The following SLC38A2 variants were observed in gnomAD, a reference collection of about 807,000 sequenced individuals.
The protein encoded by SLC38A2 is sodium-coupled neutral amino acid symporter 2.
Under a neutral mutation model 61.5 loss-of-function variants are expected in SLC38A2, and 11 were observed. The observed-to-expected ratio is 0.18, with a 90% confidence interval of 0.11 to 0.30. The LOEUF is 0.30. SLC38A2 is among the 10% of genes least tolerant of loss of function. The pLI, the probability that SLC38A2 is intolerant of heterozygous loss-of-function variation, is 1.00. For synonymous variants in SLC38A2, 217 were observed against 212.5 expected, an observed-to-expected ratio of 1.02 and a Z score of -0.18; for missense variants, 522 against 600.4, an observed-to-expected ratio of 0.87 and a Z score of 1.36.
At chr12:46,365,662 T>C (rs1014474646) in intron 7 of SLC38A2, among the ~76,000 whole-genome samples, 1 of 152,088 alleles carries the variant, frequency 6.6e-6, no homozygotes, top group Admixed American at 6.5e-5. Context: ...AATATTTCAA[T>C]GAGGAAACGT....
intron 8 of SLC38A2, 161 bp from the exon 9 acceptor site, chr12:46,364,863 T>C: frequency 1.3e-5 from 9 of 688,868 alleles, no homozygotes; most frequent in Non-Finnish European, 2.2e-5. Context: ...AAATTATAGA[T>C]TTATTTAAAT....
In SLC38A2 at chr12:46,360,991, A is replaced by T. The variant is rs975933206; in HGVS notation, c.*120T>A. 2 of 726,982 alleles carry T rather than the reference A, an allele frequency of 2.8e-6. No homozygotes were observed. Among genetic ancestry groups the T allele is most frequent in the Non-Finnish European group, 4.6e-6 (2 of 437,532 alleles). The allele number at this position is 726,982 out of a possible 1,614,324, so 45.0% of individuals were successfully genotyped here. A position where few individuals can be genotyped will look rare whatever the true frequency, so the allele number is the denominator to read the frequency against. On this transcript the variant is annotated 3_prime_UTR_variant, in exon 16 of 16. Coordinates refer to ENST00000256689, the MANE Select transcript of SLC38A2 (RefSeq NM_018976.5). ...CACTTATTCTGCACTCAGAAGAACC[A>T]GCGAGGAATCTGCACTTCAAAAGGA... is the stretch of plus-strand genomic sequence containing the variant.
chr12:46,362,585 C>A lies in SLC38A2; in HGVS notation c.1233G>T (p.Trp411Cys), dbSNP rs779347880. 1 of 1,592,854 alleles carries A rather than the reference C, an allele frequency of 6.3e-7. No individual in the cohort carries two copies. The highest frequency in any genetic ancestry group is 1.2e-5 in the South Asian group (1 of 85,610). Reference sequence around the variant, plus strand: ...TAGACACTGTAATGAGACTATGACGCCACCAACTGAAATCTTTTGATGCAC... The same window carrying A: ...TAGACACTGTAATGAGACTATGACGACACCAACTGAAATCTTTTGATGCAC... ...LLCASKDFSWWRHSLITVSIL... is the reference protein window; with the variant it reads ...LLCASKDFSWCRHSLITVSIL... The change falls in exon 14 of 16, where the codon TGG (tryptophan) becomes TGT (cysteine). Residue 411 changes from tryptophan to cysteine, a missense_variant. By Grantham distance (215) the Trp-to-Cys change is radical. Coordinates refer to ENST00000256689, the MANE Select transcript of SLC38A2 (RefSeq NM_018976.5).
Position 46,361,134 on chromosome 12 carries a change from T to G in SLC38A2, c.1498A>C (p.Asn500His). 1 of 1,613,464 alleles carries G rather than the reference T, an allele frequency of 6.2e-7. No individual in the cohort carries two copies. Among genetic ancestry groups the G allele is most frequent in the Non-Finnish European group, 8.5e-7 (1 of 1,179,616 alleles). The change falls in exon 16 of 16, where the codon AAT becomes CAT. Residue 500 changes from asparagine to histidine, a missense_variant. Physicochemically the swap from Asn to His is moderately conservative, Grantham distance 68. Coordinates refer to ENST00000256689, the MANE Select transcript of SLC38A2 (RefSeq NM_018976.5). ...AATTAATGGCCACCTCCAGGTGCAT[T>G]GTGTACCCAATCCAAAACAATCAAG... is the stretch of plus-strand genomic sequence containing the variant. Reference protein sequence around the residue: ...MALIVLDWVHNAPGGGH With the variant: ...MALIVLDWVHHAPGGGH
Position 46,363,780 on chromosome 12 carries a change from C to G in SLC38A2, c.1000G>C (p.Ala334Pro). 1 of 1,595,612 alleles carries G rather than the reference C, an allele frequency of 6.3e-7. No homozygotes were observed. Among genetic ancestry groups the G allele is most frequent in the Non-Finnish European group, 8.5e-7 (1 of 1,174,122 alleles). The change falls in exon 12 of 16, where the codon GCT (alanine) becomes CCT (proline). Residue 334 changes from alanine (A) to proline (P), a missense_variant. Ala to Pro is a conservative substitution (Grantham distance 27). Transcript: ENST00000256689. The part of the protein sequence containing the change: ...MMNVSKISFF[A>P]MFLMYLLAAL... ...GCAAGCAGATACATGAGAAACATAG[C>G]AAAAAATGAAATCTTGGACACATTC...
intron 10 of SLC38A2, 32 bp from the exon 11 acceptor site, chr12:46,364,035 G>A (rs1198075076): frequency 6.5e-7 from 1 of 1,549,214 alleles, no homozygotes. Context: ...TACTTAATCT[G>A]ATGTAACGAA....
intron 13 of SLC38A2, 180 bp downstream of exon 13, chr12:46,362,841 A>C (rs1350587617): frequency 1.4e-5 from 14 of 978,932 alleles, no homozygotes; most frequent in Admixed American, 3.2e-5. Context: ...TTATGGTGAA[A>C]AAAATGTCCC....
Position 46,364,576 on chromosome 12 carries a change from C to T in SLC38A2, c.706-20G>A. 1 of 1,599,624 alleles carries T rather than the reference C, an allele frequency of 6.3e-7. No individual in the cohort carries two copies. The highest frequency in any genetic ancestry group is 1.1e-5 in the South Asian group (1 of 87,794). On this transcript the variant is annotated intron_variant, in intron 9 of 15. Transcript: ENST00000256689. ...AATGACCTAAAAATATATTATTTTG[C>T]ATGTGTTAAACTAAGTGACATGGCA...
intron 13 of SLC38A2, 48 bp downstream of exon 13, chr12:46,362,973 A>T (rs766019212): frequency 6.2e-7 from 1 of 1,605,072 alleles, no homozygotes; most frequent in African/African-American, 1.3e-5. Flanking sequence ...CAATATTCAC[A>T]TGTCTAAAAA....
rs377372030 is a variant in SLC38A2, at chr12:46,364,452, A to G, written c.810T>C (p.Ala270=). The change falls in exon 10 of 16, where the codon GCT becomes GCC. Residue 270 remains alanine, a synonymous_variant. Transcript: ENST00000256689. ...TLTQPTALVP[A]LSHNVTENDS... ...CATTTTCAGTCACGTTATGTGACAAAGCAGGTACAAGAGCTGTTGGCTGTG... is the reference window on the plus strand; with the variant it reads ...CATTTTCAGTCACGTTATGTGACAAGGCAGGTACAAGAGCTGTTGGCTGTG... The G allele has an allele frequency of 5.0e-6, 8 of 1,610,694 alleles. No individual in the cohort carries two copies. The African/African-American group carries it at 6.7e-5, about 13-fold the overall frequency.
intron 4 of SLC38A2, among the ~76,000 whole-genome samples, chr12:46,369,626 T>C (rs1943173536): frequency 6.6e-6 from 1 of 152,192 alleles, no homozygotes; most frequent in Non-Finnish European, 1.5e-5. Flanking sequence ...GGTCCACGGG[T>C]ACTTAAACTT....
rs181482489 is a variant in SLC38A2 at position 46,360,390 on chromosome 12, T to C, written c.*721A>G. 113 of 152,364 alleles carry C rather than the reference T, an allele frequency of 7.4e-4. No homozygotes were observed. The highest frequency in any genetic ancestry group is 1.6e-4 in the Non-Finnish European group (11 of 68,028). 9.4% of individuals were successfully genotyped at this position (152,364 alleles called of 1,614,324 possible). A position where few individuals can be genotyped will look rare whatever the true frequency, so the allele number is the denominator to read the frequency against. ...GATTTGGTATAGCAATAATCAATCA[T>C]CTTTTAAGTAATGGTGACGTTTAAA... On this transcript the variant is annotated 3_prime_UTR_variant, in exon 16 of 16. Transcript: ENST00000256689.
At position 46,371,229 on chromosome 12, in the gene SLC38A2, G is replaced by C. The variant is rs201301091; in HGVS notation, c.65C>G (p.Ser22Cys). The C allele has an allele frequency of 1.2e-6, 2 of 1,614,240 alleles. No homozygotes were observed. Among genetic ancestry groups the C allele is most frequent in the Non-Finnish European group, 1.7e-6 (2 of 1,180,044 alleles). The change falls in exon 2 of 16, where the codon TCC becomes TGC. Residue 22 changes from serine to cysteine, a missense_variant. Transcript: ENST00000256689. ...GTAGGAGTAGTTGAAGTCGCTGTTG[G>C]AACTGTAGCTGCTGCTGTCTTCATC... Reference protein sequence around the residue: ...SPDEDSSSYSSNSDFNYSYPT... With the variant: ...SPDEDSSSYSCNSDFNYSYPT...
At chr12:46,367,788 T>A (rs915478158) in intron 4 of SLC38A2, among the ~76,000 whole-genome samples, 2 of 152,210 alleles carry the variant, frequency 1.3e-5, no homozygotes, top group Non-Finnish European at 2.9e-5. Context: ...GAAATTCAAC[T>A]GAGACACGTT....
chr12:46,370,684 A>G, intron 3 of SLC38A2, 57 bp from the exon 4 acceptor site: 1 of 1,557,490 alleles, frequency 6.4e-7, no homozygotes, highest in Admixed American at 1.7e-5. Context: ...GGAGAAAACC[A>G]GCTTTGGGCA....
At chr12:46,366,644 A>G (rs1943141160) in intron 7 of SLC38A2, among the ~76,000 whole-genome samples, 1 of 152,252 alleles carries the variant, frequency 6.6e-6, no homozygotes, top group East Asian at 1.9e-4. Flanking sequence ...CCTGTTTTAG[A>G]AATTAAGATA....
Position 46,362,533 on chromosome 12 carries a change from T to C in SLC38A2, c.1285A>G (p.Ile429Val). Residue 429 changes from isoleucine (I) to valine (V), a missense_variant, in exon 14 of 16, where the codon ATC becomes GTC. By Grantham distance (29) the Ile-to-Val change is conservative. Transcript: ENST00000256689. ...SILAFTNLLV[I>V]FVPTIRDIFG... ...ATATCCCTAATAGTTGGGACAAAGATGACAAGTAAATTGGTAAATGCCAAG... is the reference window on the plus strand; with the variant it reads ...ATATCCCTAATAGTTGGGACAAAGACGACAAGTAAATTGGTAAATGCCAAG... 2.5e-6 allele frequency: 4 copies of C among 1,599,556 alleles called. No individual in the cohort carries two copies. Among genetic ancestry groups the C allele is most frequent in the Non-Finnish European group, 3.4e-6 (4 of 1,176,472 alleles).
intron 1 of SLC38A2, chr12:46,371,668 AG>A (rs565269629): frequency 2.6e-5 from 6 of 230,562 alleles, no homozygotes; most frequent in South Asian, 5.8e-5. Context: ...GGAGGGGGCG[AG>A]GGGGGGTTCT....
In SLC38A2 at chr12:46,360,833, A is replaced by T. The variant is rs191851938; in HGVS notation, c.*278T>A. On this transcript the variant is annotated 3_prime_UTR_variant, in exon 16 of 16. Transcript: ENST00000256689. ...CCAAGCATGTGGCTTGATAAAAGTT[A>T]AGAGTTTGTCCATTCTCTGGAATGG... 1.6e-3 allele frequency: 598 copies of T among 365,612 alleles called. No individual in the cohort carries two copies. Among genetic ancestry groups the T allele is most frequent in the African/African-American group, 0.011 (527 of 47,676 alleles). 22.6% of individuals were successfully genotyped at this position (365,612 alleles called of 1,614,324 possible).
Sources: gnomAD v4.1 joint callset for allele counts (sites outside exome capture counted in the v4.1 genomes callset) on GRCh38, gnomAD v4.1.1 for gene constraint, MANE v1.5 for transcripts, NCBI Gene and HGNC (gene_info 2026-07-23, HGNC 2026-07-21) for gene names.